CD70: variants seen among roughly 807,000 people sequenced by gnomAD.
CD70 encodes CD70 molecule, also known as CD70 antigen.
In CD70, 6 loss-of-function variants were observed where a neutral mutation model predicts 9.0. The observed-to-expected ratio is 0.67, with a 90% CI of 0.37 to 1.32. CD70 has a LOEUF of 1.32. Ranked by LOEUF, CD70 falls within the 40% of genes most tolerant of loss-of-function variation. The pLI, the probability that CD70 is intolerant of heterozygous loss-of-function variation, is 0.02. For synonymous variants in CD70, 108 were observed against 112.3 expected (o/e 0.96, Z 0.24); for missense variants, 235 against 258.7 (o/e 0.91, Z 0.63).
Position 6,586,082 on chromosome 19 carries a change from T to C in CD70, c.520A>G (p.Thr174Ala). The C allele has an allele frequency of 6.2e-7, 1 of 1,614,054 alleles. No individual in the cohort carries two copies. Among genetic ancestry groups the C allele is most frequent in the Non-Finnish European group, 8.5e-7 (1 of 1,179,952 alleles). Residue 174 changes from threonine (T) to alanine (A), a missense_variant, in exon 3 of 3, where the codon ACA becomes GCA. Transcript: ENST00000245903. The stretch of plus-strand genomic sequence containing the variant: ...TCAGTGTTTCGGGAAGGCAAAAGTG[T>C]CCCAGTGAGGTTGGTGCAGAGTGTG... ...GDTLCTNLTGTLLPSRNTDET... is the reference protein window; with the variant it reads ...GDTLCTNLTGALLPSRNTDET...
At chr19:6,582,177 C>T (rs547964318), downstream of CD70, among the ~76,000 whole-genome samples, 12 of 150,616 alleles carry the variant, frequency 8.0e-5, no homozygotes, top group African/African-American at 2.4e-4. Context: ...TACAGGCGCA[C>T]GCTGCCACGC....
chr19:6,583,553 CTTTTTTTTTTT>C (rs72193958), downstream of CD70: 3,946 of 397,340 alleles, frequency 9.9e-3, no homozygotes, highest in East Asian at 0.025. Flanking sequence ...TAATTGTAGT[CTTTTTTTTTTT>C]TTTTTTTTTT....
At chr19:6,586,917 A>AC (rs1393158971) in intron 2 of CD70, among the ~76,000 whole-genome samples, 6 of 151,476 alleles carry the variant, frequency 4.0e-5, no homozygotes, top group Non-Finnish European at 8.9e-5. Context: ...AAAAAAAAAA[A>AC]AAAAACAGAA....
downstream of CD70, among the ~76,000 whole-genome samples, chr19:6,583,981 C>T (rs1470347724): frequency 3.3e-5 from 5 of 150,698 alleles, no homozygotes; most frequent in African/African-American, 9.7e-5. Context: ...TTAGTAGAGA[C>T]GGGGTTTTAC....
rs750834819 is a variant in CD70, at chr19:6,590,989, C to T, written c.14G>A (p.Gly5Asp). MPEE[G>D]SGCSVRRRPY... ...CCTGCGCCGCACCGAGCAGCCCGAA[C>T]CCTCCTCCGGCATCGCCGCGGCGAT... Residue 5 changes from glycine to aspartate, a missense_variant, in exon 1 of 3, where the codon GGT becomes GAT. Gly to Asp is a moderately conservative substitution (Grantham distance 94). Coordinates refer to ENST00000245903, the MANE Select transcript of CD70 (RefSeq NM_001252.5). The surrounding 1 kb of genome is among the most constrained non-coding windows in gnomAD (Gnocchi z 5.3). 2 of 1,600,950 alleles carry T rather than the reference C, an allele frequency of 1.2e-6. No homozygotes were observed. The highest frequency in any genetic ancestry group is 1.3e-5 in the African/African-American group (1 of 74,514).
chr19:6,591,138 C>A lies in CD70; in HGVS notation c.-136G>T. 1.2e-6 allele frequency: 1 copy of A among 867,034 alleles called. No homozygotes were observed. The allele number at this position is 867,034 out of a possible 1,614,324, so 53.7% of individuals were successfully genotyped here. A position where few individuals can be genotyped will look rare whatever the true frequency, so the allele number is the denominator to read the frequency against. ...TTGCTTCAACCTGTCAGGGGACCAGCCTGCCCCTCTCTGGGGATGTCCGGC... is the reference window on the plus strand; with the variant it reads ...TTGCTTCAACCTGTCAGGGGACCAGACTGCCCCTCTCTGGGGATGTCCGGC... On this transcript the variant is annotated 5_prime_UTR_variant, in exon 1 of 3. Coordinates refer to ENST00000245903, the MANE Select transcript of CD70 (RefSeq NM_001252.5).
At chr19:6,589,388 T>C (rs1248127660) in intron 2 of CD70, among the ~76,000 whole-genome samples, 1 of 151,294 alleles carries the variant, frequency 6.6e-6, no homozygotes, top group Non-Finnish European at 1.5e-5. Context: ...TCTTTTCCTT[T>C]CTTCTTTTTA....
chr19:6,584,283 G>C (rs1284719497), downstream of CD70, among the ~76,000 whole-genome samples: 1 of 151,782 alleles, frequency 6.6e-6, no homozygotes, highest in Non-Finnish European at 1.5e-5. Context: ...GCCGAGGCGG[G>C]TGGATCACAA....
At chr19:6,587,220 G>T (rs1180905039) in intron 2 of CD70, among the ~76,000 whole-genome samples, 2 of 149,136 alleles carry the variant, frequency 1.3e-5, no homozygotes, top group African/African-American at 5.0e-5. Context: ...CAGCGAGAGA[G>T]TGTGAGAGAG....
At position 6,590,700 on chromosome 19, in the gene CD70, T is replaced by C. The variant is rs1599454028; in HGVS notation, c.162+141A>G. ...GTAGCCCCTACACCGGGCAGCCTGGTCCCCGCCTCGCCTCCCTGTTCTGGT... is the reference window on the plus strand; with the variant it reads ...GTAGCCCCTACACCGGGCAGCCTGGCCCCCGCCTCGCCTCCCTGTTCTGGT... On this transcript the variant is annotated intron_variant, in intron 1 of 2. Transcript: ENST00000245903. This position sits in a 1 kb window ranked among gnomAD's most constrained non-coding sequence, Gnocchi z 5.3. The C allele has an allele frequency of 1.3e-6, 1 of 742,732 alleles. No individual in the cohort carries two copies. Among genetic ancestry groups the C allele is most frequent in the Non-Finnish European group, 2.2e-6 (1 of 456,442 alleles). The allele number at this position is 742,732 out of a possible 1,614,324, so 46.0% of individuals were successfully genotyped here.
chr19:6,590,481 C>T lies in CD70; in HGVS notation c.163-345G>A, dbSNP rs1034882004. On this transcript the variant is annotated intron_variant, in intron 1 of 2. Coordinates refer to ENST00000245903, the MANE Select transcript of CD70 (RefSeq NM_001252.5). The surrounding 1 kb of genome is among the most constrained non-coding windows in gnomAD (Gnocchi z 5.3). Reference sequence around the variant, plus strand: ...TCCCCAAAGGGACCCCTCCCCCACCCGGAGCGAGTGGCTGGGGCCATCCCG... The same window carrying T: ...TCCCCAAAGGGACCCCTCCCCCACCTGGAGCGAGTGGCTGGGGCCATCCCG... 5.9e-5 allele frequency among the ~76,000 whole-genome samples: 9 copies of T among 152,162 alleles called. No individual in the cohort carries two copies. Among genetic ancestry groups the T allele is most frequent in the Admixed American group, 1.3e-4 (2 of 15,282 alleles).
chr19:6,582,264 C>G (rs411204), downstream of CD70, among the ~76,000 whole-genome samples: 122,228 of 149,794 alleles, frequency 0.82, 50,403 homozygotes, highest in Non-Finnish European at 0.88. Context: ...TCGAACTCTT[C>G]AGCTCAGGCA....
rs545962560 is a variant in CD70 at position 6,589,631 on chromosome 19, C to A, written c.196+472G>T. Among the ~76,000 whole-genome samples, 24 of 152,102 alleles carry A rather than the reference C, an allele frequency of 1.6e-4. 1 individual carries two copies. In the South Asian group the frequency reaches 2.5e-3, roughly 16 times the overall value. On this transcript the variant is annotated intron_variant, in intron 2 of 2. Coordinates refer to ENST00000245903, the MANE Select transcript of CD70 (RefSeq NM_001252.5). ...TCTCAAACTCCTGGGCTCAAGTGAT[C>A]CACCCGCCGCGCCCTCCGAAAGCGC...
chr19:6,584,470 C>T (rs919165260), downstream of CD70, among the ~76,000 whole-genome samples: 1 of 151,594 alleles, frequency 6.6e-6, no homozygotes, highest in East Asian at 2.0e-4. Flanking sequence ...TATGCCACTG[C>T]ACTCCAGCCT....
Position 6,586,140 on chromosome 19 carries a change from G to A in CD70, c.462C>T (p.Ala154=). The stretch of plus-strand genomic sequence containing the variant: ...GGGCCAGGGGCGTCAGGCGCTGGGA[G>A]GCAATGGTACAACCTTGGTGGAAGC... ...RLSFHQGCTI[A]SQRLTPLARG... Residue 154 remains alanine, a synonymous_variant, in exon 3 of 3, where the codon GCC becomes GCT. Transcript: ENST00000245903. The A allele has an allele frequency of 1.2e-6, 2 of 1,614,150 alleles. No individual in the cohort carries two copies. The highest frequency in any genetic ancestry group is 8.5e-7 in the Non-Finnish European group (1 of 1,180,022).
At chr19:6,589,104 CCTCTCTCT>C (rs111719084) in intron 2 of CD70, among the ~76,000 whole-genome samples, 1 of 150,632 alleles carries the variant, frequency 6.6e-6, no homozygotes, top group East Asian at 2.0e-4. Context: ...CTCTCTCTCT[CCTCTCTCT>C]CTCTCTCGTT....
At chr19:6,583,671 G>A (rs1457316818), downstream of CD70, among the ~76,000 whole-genome samples, 2 of 149,506 alleles carry the variant, frequency 1.3e-5, no homozygotes, top group Admixed American at 6.8e-5. Context: ...AGAGTCTCCT[G>A]TCTCAGCCTC....
downstream of CD70, among the ~76,000 whole-genome samples, chr19:6,581,677 T>C (rs554445775): frequency 5.0e-4 from 76 of 152,308 alleles, 3 homozygotes; most frequent in South Asian, 0.016. Flanking sequence ...TATATTCCTG[T>C]GAACAGTTTT....
intron 2 of CD70, among the ~76,000 whole-genome samples, chr19:6,587,462 G>A (rs774824330): frequency 6.6e-6 from 1 of 151,816 alleles, no homozygotes; most frequent in Non-Finnish European, 1.5e-5. Context: ...GCTCGAGAGT[G>A]CACGGGAGTG....
Sources: allele counts gnomAD v4.1 joint callset (sites outside exome capture counted in the v4.1 genomes callset), GRCh38; gene constraint gnomAD v4.1.1; non-coding constraint Gnocchi (gnomAD v3.1); transcripts MANE v1.5; gene names NCBI Gene and HGNC (gene_info 2026-07-23, HGNC 2026-07-21).